The following ZNF814 variants were observed in gnomAD, a reference collection of about 807,000 sequenced individuals.
ZNF814 encodes zinc finger protein 814.
A neutral mutation model predicts 7.5 loss-of-function variants in ZNF814; 5 were observed. The observed-to-expected ratio is 0.67, with a 90% CI of 0.35 to 1.40. ZNF814 has a LOEUF of 1.40. Among genes scored for constraint, ZNF814 ranks in the 40% most tolerant of loss-of-function variants. The pLI is 0.04. For synonymous variants in ZNF814, 315 were observed against 340.7 expected (o/e 0.92, Z 0.83); for missense variants, 962 against 1,018.0 (o/e 0.94, Z 0.75).
At chr19:57,885,027 T>A (rs1258252026) in intron 1 of ZNF814, among the ~76,000 whole-genome samples, 1 of 151,950 alleles carries the variant, frequency 6.6e-6, no homozygotes, top group Non-Finnish European at 1.5e-5. Flanking sequence ...GATAAATGGA[T>A]AAAGAAAATG....
rs57591690 is a variant in ZNF814, at chr19:57,869,942, CAAAA to C, written c.*2876_*2879del. 51,685 of 133,612 alleles carry C rather than the reference CAAAA, an allele frequency of 0.39. 10,384 individuals carry two copies. The highest frequency in any genetic ancestry group is 0.56 in the African/African-American group (18,967 of 33,602). The allele number at this position is 133,612 out of a possible 1,614,324, so 8.3% of individuals were successfully genotyped here. On this transcript the variant is annotated 3_prime_UTR_variant, in exon 3 of 3. Transcript: ENST00000435989. ...CCTGGCTGACAGTGAGACTCTGTCT[CAAAA>C]AAAAAAAAAAAAGGTTGGGCACGGT... is the stretch of plus-strand genomic sequence containing the variant.
upstream of ZNF814, among the ~76,000 whole-genome samples, chr19:57,893,836 C>T (rs1462498935): frequency 6.6e-6 from 1 of 151,280 alleles, no homozygotes; most frequent in African/African-American, 2.4e-5. Flanking sequence ...AGGAGAATCA[C>T]TTAAACCTGG....
chr19:57,876,825 A>G lies in ZNF814; in HGVS notation c.163+91T>C, dbSNP rs866870728. ...AGAACTGAAGCAGGAAGCTGTGTCC[A>G]TGCTCCTGACATGAGAAAGTCTTAC... On this transcript the variant is annotated intron_variant, in intron 2 of 2. Transcript: ENST00000435989. The G allele has an allele frequency of 1.0e-5, 16 of 1,572,328 alleles. No individual in the cohort carries two copies. In the Middle Eastern group the frequency reaches 5.1e-4, roughly 50 times the overall value.
At chr19:57,889,460 G>A (rs1303829116), upstream of ZNF814, among the ~76,000 whole-genome samples, 1 of 152,224 alleles carries the variant, frequency 6.6e-6, no homozygotes, top group Non-Finnish European at 1.5e-5. Context: ...TAGGGTTAGG[G>A]AGCCTGAGGA....
At chr19:57,878,461 C>CTTT (rs1004059214) in intron 1 of ZNF814, among the ~76,000 whole-genome samples, 2 of 138,312 alleles carry the variant, frequency 1.4e-5, no homozygotes, top group Admixed American at 7.4e-5. Flanking sequence ...GATACATTAC[C>CTTT]TTTTTTTTTT....
rs751600570 is a variant in ZNF814 at position 57,888,978 on chromosome 19, A to G, written c.-176T>C. On this transcript the variant is annotated 5_prime_UTR_variant, in exon 1 of 3. Transcript: ENST00000435989. ...TCCCCGACTTCTGGGTTCAGTCACCACAGTGCGGACCTAGCGCTCAGGAGC... is the reference window on the plus strand; with the variant it reads ...TCCCCGACTTCTGGGTTCAGTCACCGCAGTGCGGACCTAGCGCTCAGGAGC... The G allele has an allele frequency of 1.1e-5, 7 of 660,006 alleles. No homozygotes were observed. Among genetic ancestry groups the G allele is most frequent in the South Asian group, 3.8e-5 (2 of 53,124 alleles). 40.9% of individuals were successfully genotyped at this position (660,006 alleles called of 1,614,324 possible). A position where few individuals can be genotyped will look rare whatever the true frequency, so the allele number is the denominator to read the frequency against.
upstream of ZNF814, among the ~76,000 whole-genome samples, chr19:57,893,341 T>C (rs367859786): frequency 1.5e-4 from 23 of 152,022 alleles, no homozygotes; most frequent in East Asian, 3.4e-3. Flanking sequence ...GCCTAGTTAA[T>C]TTTTGTATTT....
At chr19:57,878,540 A>G (rs1394368855) in intron 1 of ZNF814, among the ~76,000 whole-genome samples, 3 of 150,178 alleles carry the variant, frequency 2.0e-5, no homozygotes, top group Non-Finnish European at 4.4e-5. Context: ...GCTCACTGCA[A>G]CCTCCGCCTC....
chr19:57,894,690 C>T, the ZNF814 span, among the ~76,000 whole-genome samples: 1 of 151,662 alleles, frequency 6.6e-6, no homozygotes, highest in African/African-American at 2.4e-5. Context: ...AAAAATTAGC[C>T]GGGCGTGGTG....
At position 57,873,341 on chromosome 19, in the gene ZNF814, A is replaced by G. The variant is rs1230539125; in HGVS notation, c.2049T>C (p.Thr683=). The part of the protein sequence containing the change: ...GNLILHQHGH[T]GERPYVCREC... ...CCCTACATACATAAGGTCTTTCTCC[A>G]GTATGGCCATGCTGGTGTAGAATGA... Residue 683 remains threonine, a synonymous_variant, in exon 3 of 3, where the codon ACT becomes ACC. Transcript: ENST00000435989. The G allele has an allele frequency of 6.3e-7, 1 of 1,594,550 alleles. No individual in the cohort carries two copies. The highest frequency in any genetic ancestry group is 1.1e-5 in the South Asian group (1 of 89,448).
Position 57,888,984 on chromosome 19 carries a change from C to G in ZNF814, c.-182G>C. 1 of 629,622 alleles carries G rather than the reference C, an allele frequency of 1.6e-6. No individual in the cohort carries two copies. The allele number at this position is 629,622 out of a possible 1,614,324, so 39.0% of individuals were successfully genotyped here. Reference sequence around the variant, plus strand: ...ACTTCTGGGTTCAGTCACCACAGTGCGGACCTAGCGCTCAGGAGCCTCTCC... The same window carrying G: ...ACTTCTGGGTTCAGTCACCACAGTGGGGACCTAGCGCTCAGGAGCCTCTCC... On this transcript the variant is annotated 5_prime_UTR_variant, in exon 1 of 3. Coordinates refer to ENST00000435989, the MANE Select transcript of ZNF814 (RefSeq NM_001144989.2).
rs755404847 is a variant in ZNF814 at position 57,873,565 on chromosome 19, A to G, written c.1825T>C (p.Cys609Arg). The G allele has an allele frequency of 3.1e-6, 5 of 1,614,072 alleles. No homozygotes were observed. The highest frequency in any genetic ancestry group is 4.2e-6 in the Non-Finnish European group (5 of 1,180,008). Residue 609 changes from cysteine to arginine, a missense_variant, in exon 3 of 3, where the codon TGT becomes CGT. Cys to Arg is a radical substitution (Grantham distance 180). Transcript: ENST00000435989. ...TGERPYECGECGKSFSHKRSL... is the reference protein window; with the variant it reads ...TGERPYECGERGKSFSHKRSL... ...CGCTTATGACTAAAAGATTTCCCAC[A>G]TTCTCCACACTCATAAGGCCTCTCT...
intron 1 of ZNF814, among the ~76,000 whole-genome samples, chr19:57,887,861 G>A (rs925765630): frequency 2.4e-4 from 36 of 152,154 alleles, no homozygotes; most frequent in Non-Finnish European, 4.4e-5. Flanking sequence ...TCTTATGAAG[G>A]ATTTAGAGCG....
In ZNF814 at chr19:57,877,062, T is replaced by C; in HGVS notation, c.37-20A>G. On this transcript the variant is annotated intron_variant, in intron 1 of 2. Transcript: ENST00000435989. Reference sequence around the variant, plus strand: ...TGTGCCCTGTTATGATGTTGACAGATGAAACTACAAACTGCCCCTATGCTG... The same window carrying C: ...TGTGCCCTGTTATGATGTTGACAGACGAAACTACAAACTGCCCCTATGCTG... 1.2e-6 allele frequency: 2 copies of C among 1,613,404 alleles called. No homozygotes were observed. Among genetic ancestry groups the C allele is most frequent in the Non-Finnish European group, 1.7e-6 (2 of 1,179,546 alleles).
intron 1 of ZNF814, among the ~76,000 whole-genome samples, chr19:57,888,352 C>T (rs2122472751): frequency 6.6e-6 from 1 of 152,278 alleles, no homozygotes; most frequent in African/African-American, 2.4e-5. Flanking sequence ...TGACACTGTG[C>T]AAAGACACAA....
the ZNF814 span, among the ~76,000 whole-genome samples, chr19:57,896,306 G>A: frequency 2.0e-5 from 3 of 152,298 alleles, no homozygotes; most frequent in East Asian, 1.9e-4. The surrounding 1 kb of genome is among the most constrained non-coding windows in gnomAD (Gnocchi z 4.2). Flanking sequence ...AACAGATCAC[G>A]AGACAGATTC....
chr19:57,883,652 C>A (rs1198957851), intron 1 of ZNF814, among the ~76,000 whole-genome samples: 2 of 100,892 alleles, frequency 2.0e-5, no homozygotes, highest in Admixed American at 1.0e-4. Flanking sequence ...CAGAGAGAGA[C>A]CCTGTCTCAA....
At chr19:57,895,802 C>T in the ZNF814 span, among the ~76,000 whole-genome samples, 55 of 152,038 alleles carry the variant, frequency 3.6e-4, no homozygotes, top group Non-Finnish European at 2.5e-4. Context: ...AAGGGCGTCC[C>T]AATTCAGACC....
chr19:57,873,610 G>A lies in ZNF814; in HGVS notation c.1780C>T (p.His594Tyr). Residue 594 changes from histidine to tyrosine, a missense_variant, in exon 3 of 3, where the codon CAT becomes TAT. Transcript: ENST00000435989. ...SFSSIGHLRS[H>Y]QRVHTGERPY... is the part of the protein sequence containing the mutation. ...CTCTCTCCAGTATGAACGCGCTGATGGCTCCTAAGGTGCCCGATTGAACTA... is the reference window on the plus strand; with the variant it reads ...CTCTCTCCAGTATGAACGCGCTGATAGCTCCTAAGGTGCCCGATTGAACTA... The A allele has an allele frequency of 6.2e-7, 1 of 1,613,850 alleles. No individual in the cohort carries two copies. The highest frequency in any genetic ancestry group is 1.3e-5 in the African/African-American group (1 of 74,926).
Sources: allele counts gnomAD v4.1 joint callset (sites outside exome capture counted in the v4.1 genomes callset), GRCh38; gene constraint gnomAD v4.1.1; non-coding constraint Gnocchi (gnomAD v3.1); transcripts MANE v1.5; gene names NCBI Gene and HGNC (gene_info 2026-07-23, HGNC 2026-07-21).